GRM5: variants seen among roughly 807,000 people sequenced by gnomAD.
GRM5 encodes the protein glutamate metabotropic receptor 5.
Under a neutral mutation model 83.1 loss-of-function variants are expected in GRM5, and 19 were observed. That is an observed-to-expected ratio of 0.23 (90% CI 0.16 to 0.34). The LOEUF is 0.34. Among genes scored for constraint, GRM5 ranks in the 10% least tolerant of loss-of-function variants. The pLI is 1.00. For missense variants in GRM5, 1,160 were observed against 1,588.3 expected, an observed-to-expected ratio of 0.73 and a Z score of 4.58; for synonymous variants, 675 against 633.6, an observed-to-expected ratio of 1.07 and a Z score of -0.98.
At chr11:88,915,607 C>A (rs1252755559) in intron 2 of GRM5, among the ~76,000 whole-genome samples, 6 of 152,024 alleles carry the variant, frequency 3.9e-5, no homozygotes, top group Non-Finnish European at 8.8e-5. Context: ...ATATATAATG[C>A]ATTAATTAAT....
chr11:89,007,646 A>G (rs944628577), intron 2 of GRM5, among the ~76,000 whole-genome samples: 3 of 152,224 alleles, frequency 2.0e-5, no homozygotes, highest in Non-Finnish European at 2.9e-5. Flanking sequence ...ATCCAAGTGT[A>G]TAAGAGGAAG....
At chr11:88,580,406 C>G (rs1030466080) in intron 7 of GRM5, among the ~76,000 whole-genome samples, 2 of 152,160 alleles carry the variant, frequency 1.3e-5, no homozygotes, top group African/African-American at 4.8e-5. Context: ...AGCACTTCAG[C>G]ACAATAGCCT....
intron 2 of GRM5, among the ~76,000 whole-genome samples, chr11:89,044,620 T>C (rs1179883216): frequency 6.6e-6 from 1 of 152,186 alleles, no homozygotes; most frequent in East Asian, 1.9e-4. Flanking sequence ...ACCTTAATGG[T>C]TCATGTGAAA....
chr11:88,670,220 C>G (rs1276961183), intron 3 of GRM5, among the ~76,000 whole-genome samples: 1 of 151,764 alleles, frequency 6.6e-6, no homozygotes, highest in Non-Finnish European at 1.5e-5. Context: ...GATACTTAAT[C>G]CACACTGTTT....
intron 3 of GRM5, among the ~76,000 whole-genome samples, chr11:88,807,593 C>G (rs999867059): frequency 6.6e-6 from 1 of 151,982 alleles, no homozygotes; most frequent in African/African-American, 2.4e-5. Context: ...GTGAGTCGAG[C>G]AATTGATGGT....
chr11:88,546,568 T>G (rs761334147), intron 8 of GRM5, among the ~76,000 whole-genome samples: 16 of 152,106 alleles, frequency 1.1e-4, no homozygotes, highest in Non-Finnish European at 4.4e-5. Flanking sequence ...AGTTTTCTTT[T>G]AGGAAGATGT....
At chr11:88,654,530 C>T (rs1298868765) in intron 3 of GRM5, among the ~76,000 whole-genome samples, 5 of 151,876 alleles carry the variant, frequency 3.3e-5, no homozygotes. Context: ...TTACAAGTAA[C>T]CTCAAAGAGA....
intron 4 of GRM5, among the ~76,000 whole-genome samples, chr11:88,634,752 C>T (rs942037762): frequency 6.6e-6 from 1 of 152,120 alleles, no homozygotes; most frequent in African/African-American, 2.4e-5. Flanking sequence ...ATAGTAAATA[C>T]ATAAACGTTA....
chr11:88,810,844 T>C (rs1229983434), intron 3 of GRM5, among the ~76,000 whole-genome samples: 6 of 152,128 alleles, frequency 3.9e-5, no homozygotes, highest in Non-Finnish European at 7.4e-5. Flanking sequence ...GAAGTCAATA[T>C]TGGCAGATAG....
intron 5 of GRM5, among the ~76,000 whole-genome samples, chr11:88,599,738 G>T (rs1475308184): frequency 1.3e-5 from 2 of 152,176 alleles, no homozygotes; most frequent in Non-Finnish European, 2.9e-5. Context: ...AGAAGGTCAG[G>T]CACGGTGGCT....
intron 3 of GRM5, among the ~76,000 whole-genome samples, chr11:88,776,032 CA>C (rs201964642): frequency 0.016 from 2,455 of 152,206 alleles, 66 homozygotes; most frequent in African/African-American, 0.056. Flanking sequence ...CTAATATTGA[CA>C]GTGGGGTGTT....
intron 3 of GRM5, among the ~76,000 whole-genome samples, chr11:88,793,280 T>C (rs1943211850): frequency 6.6e-6 from 1 of 152,174 alleles, no homozygotes; most frequent in Non-Finnish European, 1.5e-5. Flanking sequence ...TATTTTTTCA[T>C]TGTTTCAATT....
intron 2 of GRM5, among the ~76,000 whole-genome samples, chr11:88,945,880 A>G (rs145009945): frequency 1.1e-3 from 175 of 152,276 alleles, no homozygotes; most frequent in African/African-American, 4.0e-3. Flanking sequence ...ACAAAAATTG[A>G]CAAGTCAGAT....
chr11:88,962,612 T>C (rs544276576), intron 2 of GRM5, among the ~76,000 whole-genome samples: 20 of 152,330 alleles, frequency 1.3e-4, no homozygotes, highest in African/African-American at 4.8e-4. Context: ...TATTAAAATA[T>C]ATGCATTTAT....
chr11:88,538,625 T>C (rs1431196774), intron 8 of GRM5, among the ~76,000 whole-genome samples: 2 of 152,180 alleles, frequency 1.3e-5, no homozygotes, highest in African/African-American at 4.8e-5. Flanking sequence ...TTTTTATACA[T>C]GAACAATTGG....
At chr11:88,683,841 G>A (rs1013550117) in intron 3 of GRM5, among the ~76,000 whole-genome samples, 6 of 152,262 alleles carry the variant, frequency 3.9e-5, no homozygotes, top group African/African-American at 1.4e-4. Context: ...TTTTGTTAGA[G>A]AATTTAGCAG....
intron 8 of GRM5, among the ~76,000 whole-genome samples, chr11:88,530,837 G>C (rs1034030939): frequency 2.2e-4 from 33 of 152,024 alleles, no homozygotes; most frequent in African/African-American, 7.5e-4. Flanking sequence ...GAGAGATTTT[G>C]ATATTGGAAA....
intron 4 of GRM5, among the ~76,000 whole-genome samples, chr11:88,645,223 TG>T (rs1242137802): frequency 6.6e-6 from 1 of 152,020 alleles, no homozygotes; most frequent in Admixed American, 6.6e-5. Flanking sequence ...GAACAAAAAA[TG>T]GGGAAGTATA....
intron 2 of GRM5, among the ~76,000 whole-genome samples, chr11:89,023,044 G>GT (rs57133030): frequency 6.6e-6 from 1 of 152,006 alleles, no homozygotes; most frequent in Non-Finnish European, 1.5e-5. Context: ...TTCCAGCTAT[G>GT]TTTTTTTCCA....
Sources: allele counts gnomAD v4.1 joint callset (sites outside exome capture counted in the v4.1 genomes callset), GRCh38; gene constraint gnomAD v4.1.1; transcripts MANE v1.5; gene names NCBI Gene and HGNC (gene_info 2026-07-23, HGNC 2026-07-21).